The following ZNF763 variants were observed in gnomAD, a reference collection of about 807,000 sequenced individuals.
ZNF763 encodes the protein zinc finger protein 763, also known as DNA-binding protein.
ZNF763 carries 33 observed loss-of-function variants against 38.0 expected under a neutral mutation model. The observed-to-expected ratio is 0.87, with a 90% CI of 0.66 to 1.16. The LOEUF (loss-of-function observed/expected upper bound fraction) is 1.16. Among genes scored for constraint, ZNF763 ranks in the 50% most tolerant of loss-of-function variants. The pLI is 0.00. For missense variants in ZNF763, 423 were observed against 469.1 expected (o/e 0.90, Z 0.91); for synonymous variants, 155 against 160.1 (o/e 0.97, Z 0.24).
chr19:11,973,142 C>T (rs1348511733), intron 1 of ZNF763, among the ~76,000 whole-genome samples: 2 of 152,144 alleles, frequency 1.3e-5, no homozygotes, highest in Non-Finnish European at 2.9e-5. Flanking sequence ...TATACAGAAA[C>T]GTTTCACTGC....
rs1973585211 is a variant in ZNF763, at chr19:11,979,939, A to G, written c.*830A>G. ...GGAAAGGCTTTTATTCTGCCAAGTC[A>G]TTTCAAATACCTGAAAAATCTTACA... On this transcript the variant is annotated 3_prime_UTR_variant, in exon 4 of 4. Transcript: ENST00000358987. 7.7e-7 allele frequency: 1 copy of G among 1,303,588 alleles called. No individual in the cohort carries two copies. Among genetic ancestry groups the G allele is most frequent in the Non-Finnish European group, 1.1e-6 (1 of 911,980 alleles). The allele number at this position is 1,303,588 out of a possible 1,614,324, so 80.8% of individuals were successfully genotyped here.
chr19:11,975,523 G>A (rs1042203895), intron 1 of ZNF763, among the ~76,000 whole-genome samples: 4 of 151,838 alleles, frequency 2.6e-5, no homozygotes, highest in African/African-American at 9.7e-5. Flanking sequence ...TCAGCCTCCC[G>A]AGTAGCTGAG....
At position 11,978,274 on chromosome 19, in the gene ZNF763, G is replaced by A. The variant is rs370742047; in HGVS notation, c.350G>A (p.Gly117Asp). 1.2e-5 allele frequency: 19 copies of A among 1,613,938 alleles called. No individual in the cohort carries two copies. The African/African-American group carries it at 2.0e-4, about 17-fold the overall frequency. ...TTTGTATGTGGAGAAGTTGGCATAG[G>A]TAACTCATCTTTTAATATGAACATC... is the stretch of plus-strand genomic sequence containing the variant. ...DNFVCGEVGI[G>D]NSSFNMNIRG... Residue 117 changes from glycine to aspartate, a missense_variant, in exon 4 of 4, where the codon GGT (glycine) becomes GAT (aspartate). By Grantham distance (94) the Gly-to-Asp change is moderately conservative (BLOSUM62 -1). Coordinates refer to ENST00000358987, the MANE Select transcript of ZNF763 (RefSeq NM_001367172.2).
chr19:11,966,487 C>T (rs1973232133), intron 1 of ZNF763, among the ~76,000 whole-genome samples: 1 of 152,194 alleles, frequency 6.6e-6, no homozygotes, highest in Admixed American at 6.5e-5. Context: ...AATTCTCCTG[C>T]CTCAGCTTCC....
At chr19:11,976,884 T>C in intron 1 of ZNF763, 154 bp from the exon 2 acceptor site, 6 of 1,499,254 alleles carry the variant, frequency 4.0e-6, no homozygotes, top group Non-Finnish European at 5.3e-6. Context: ...ACAAAAATGC[T>C]TTATGGAAGA....
chr19:11,977,755 C>CT (rs1973527119), intron 3 of ZNF763, among the ~76,000 whole-genome samples: 1 of 152,124 alleles, frequency 6.6e-6, no homozygotes, highest in Admixed American at 6.5e-5. Context: ...ACTCAGGAGG[C>CT]TGAGGCAGAA....
intron 1 of ZNF763, 143 bp downstream of exon 1, chr19:11,965,354 TC>T: frequency 9.4e-6 from 11 of 1,175,064 alleles, no homozygotes; most frequent in Non-Finnish European, 1.3e-5. Flanking sequence ...CGGCCCTCGG[TC>T]CCCTCGGCCG....
At chr19:11,974,155 TTTCCTTCCTTCCTTCCTTCC>T (rs1228736086) in intron 1 of ZNF763, among the ~76,000 whole-genome samples, 3 of 115,732 alleles carry the variant, frequency 2.6e-5, no homozygotes, top group African/African-American at 4.8e-5. Context: ...TCTTTCTTTC[TTTCCTTCCTTCCTTCCTTCC>T]TTCTTTCTTT....
At position 11,979,803 on chromosome 19, in the gene ZNF763, A is replaced by G; in HGVS notation, c.*694A>G. ...ACTGGAGAGAAACCCTATGAGTGTA[A>G]GGAATGTGGGAAAGCCTTCAGATCT... On this transcript the variant is annotated 3_prime_UTR_variant, in exon 4 of 4. Coordinates refer to ENST00000358987, the MANE Select transcript of ZNF763 (RefSeq NM_001367172.2). 6.3e-7 allele frequency: 1 copy of G among 1,575,606 alleles called. No homozygotes were observed. Among genetic ancestry groups the G allele is most frequent in the South Asian group, 1.1e-5 (1 of 90,264 alleles).
chr19:11,977,349 C>T (rs72988671), intron 2 of ZNF763, 22 bp from the exon 3 acceptor site: 29,176 of 1,609,158 alleles, frequency 0.018, 315 homozygotes, highest in African/African-American at 0.026. Flanking sequence ...TTCAGGACTA[C>T]TTTTCTGTGT....
In ZNF763 at chr19:11,980,295, C is replaced by T. The variant is rs141233172; in HGVS notation, c.*1186C>T. On this transcript the variant is annotated 3_prime_UTR_variant, in exon 4 of 4. Coordinates refer to ENST00000358987, the MANE Select transcript of ZNF763 (RefSeq NM_001367172.2). ...AGTTGGGAGGCTGGCACAGGAGAAT[C>T]GCTTGAATCTGGGGGGCAGAGGTTG... is the stretch of plus-strand genomic sequence containing the variant. 6.8e-5 allele frequency: 18 copies of T among 265,816 alleles called. No homozygotes were observed. Among genetic ancestry groups the T allele is most frequent in the Admixed American group, 4.1e-4 (8 of 19,446 alleles). The allele number at this position is 265,816 out of a possible 1,614,324, so 16.5% of individuals were successfully genotyped here.
chr19:11,972,250 A>C (rs1568307465), intron 1 of ZNF763, among the ~76,000 whole-genome samples: 1 of 151,706 alleles, frequency 6.6e-6, no homozygotes, highest in Non-Finnish European at 1.5e-5. Context: ...GCACCACCAC[A>C]CTCCAGCCTG....
intron 1 of ZNF763, among the ~76,000 whole-genome samples, chr19:11,973,378 T>C (rs771161786): frequency 6.6e-6 from 1 of 152,182 alleles, no homozygotes; most frequent in Non-Finnish European, 1.5e-5. Context: ...TGACGACTCA[T>C]TTATTTTTTA....
intron 1 of ZNF763, among the ~76,000 whole-genome samples, chr19:11,965,784 C>G (rs577071785): frequency 2.6e-4 from 40 of 152,140 alleles, no homozygotes; most frequent in Non-Finnish European, 5.3e-4. Flanking sequence ...CCCAAGAAGC[C>G]TATAGTGAGT....
intron 1 of ZNF763, among the ~76,000 whole-genome samples, chr19:11,965,773 C>G (rs1228416909): frequency 6.6e-6 from 1 of 152,176 alleles, no homozygotes; most frequent in Non-Finnish European, 1.5e-5. Flanking sequence ...GGAAACACAA[C>G]CCCAAGAAGC....
intron 1 of ZNF763, among the ~76,000 whole-genome samples, chr19:11,975,926 A>C (rs1238013438): frequency 6.6e-6 from 1 of 151,584 alleles, no homozygotes; most frequent in Non-Finnish European, 1.5e-5. Flanking sequence ...TTTCTTAGGA[A>C]TGTCCCATCT....
At chr19:11,975,507 C>T (rs1029504290) in intron 1 of ZNF763, among the ~76,000 whole-genome samples, 4 of 152,094 alleles carry the variant, frequency 2.6e-5, no homozygotes, top group African/African-American at 7.2e-5. Context: ...ACGCCATTCT[C>T]CTGCCTCAGC....
chr19:11,977,249 A>T, intron 2 of ZNF763, 85 bp downstream of exon 2: 1 of 1,605,408 alleles, frequency 6.2e-7, no homozygotes, highest in South Asian at 1.1e-5. Context: ...TTTGGAACAT[A>T]GACAGGAAAT....
intron 1 of ZNF763, among the ~76,000 whole-genome samples, chr19:11,972,396 A>T (rs72988656): frequency 0.019 from 2,873 of 152,354 alleles, 35 homozygotes; most frequent in African/African-American, 0.026. Context: ...ATTGAAATTC[A>T]CTGAGATTTA....
Sources: gnomAD v4.1 joint callset for allele counts (sites outside exome capture counted in the v4.1 genomes callset) on GRCh38, gnomAD v4.1.1 for gene constraint, MANE v1.5 for transcripts, NCBI Gene and HGNC (gene_info 2026-07-23, HGNC 2026-07-21) for gene names.